Variants in PAX8 observed in about 807,000 individuals in gnomAD.
PAX8 encodes the protein paired box protein Pax-8.
PAX8 carries 15 observed loss-of-function variants against 52.4 expected under a neutral mutation model. That is an observed-to-expected ratio of 0.29 (90% CI 0.19 to 0.44). PAX8 has a LOEUF of 0.44. Among genes scored for constraint, PAX8 ranks in the 20% least tolerant of loss-of-function variants. PAX8 has a pLI of 1.00. For synonymous variants in PAX8, 284 were observed against 249.7 expected (o/e 1.14, Z -1.29); for missense variants, 554 against 602.5 (o/e 0.92, Z 0.84).
chr2:113,235,548 G>A lies in PAX8; in HGVS notation c.933C>T (p.Thr311=), dbSNP rs1690212175. ...TGGAGCTAGAACTGGACACCTCGGG[G>A]GTTTCCTGCTTTATGGCGAAGGGTG... ...PHSPFAIKQE[T]PEVSSSSSTP... is the part of the protein sequence containing the mutation. Residue 311 remains threonine (T), a synonymous_variant, in exon 9 of 12, where the codon ACC becomes ACT. Transcript: ENST00000429538. The A allele has an allele frequency of 1.5e-5, 25 of 1,613,698 alleles. No individual in the cohort carries two copies. The East Asian group carries it at 5.6e-4, about 36-fold the overall frequency.
chr2:113,223,489 A>G (rs1036480074), intron 10 of PAX8, among the ~76,000 whole-genome samples: 1 of 152,156 alleles, frequency 6.6e-6, no homozygotes, highest in Admixed American at 6.5e-5. Flanking sequence ...TAGAAATCAG[A>G]GTAGCCTTTT....
chr2:113,224,652 A>AATG (rs1689446508), intron 10 of PAX8, among the ~76,000 whole-genome samples: 1 of 151,748 alleles, frequency 6.6e-6, no homozygotes, highest in South Asian at 2.1e-4. Context: ...TAGATGGGAA[A>AATG]ATGCATGGAT....
chr2:113,260,281 T>G (rs897589666), intron 2 of PAX8, among the ~76,000 whole-genome samples: 1 of 152,098 alleles, frequency 6.6e-6, no homozygotes, highest in African/African-American at 2.4e-5. Context: ...AGTAGCTCCG[T>G]GGAATATCTG....
intron 2 of PAX8, chr2:113,266,989 G>A (rs560704055): frequency 6.6e-6 from 1 of 152,346 alleles, no homozygotes; most frequent in Admixed American, 6.5e-5. Context: ...GACAAATACA[G>A]TCTATGTGGG....
intron 2 of PAX8, chr2:113,265,415 G>C (rs1244271661): frequency 6.6e-6 from 1 of 152,266 alleles, no homozygotes; most frequent in Non-Finnish European, 1.5e-5. Context: ...AGCTTCTCTT[G>C]TCAACCCCTG....
chr2:113,241,527 A>G, intron 7 of PAX8, 24 bp downstream of exon 7: 7 of 1,585,812 alleles, frequency 4.4e-6, no homozygotes, highest in Non-Finnish European at 4.3e-6. Context: ...CACCCTGTTC[A>G]CCTCCCAGGG....
chr2:113,272,672 C>G lies in PAX8; in HGVS notation c.25+5698G>C, dbSNP rs547292972. ...TACTCCTTCCCCACGAAAGGAATGT[C>G]TAGAACTCCTGCTGAAAGTAGTCAT... On this transcript the variant is annotated intron_variant, in intron 2 of 11. Coordinates refer to ENST00000429538, the MANE Select transcript of PAX8 (RefSeq NM_003466.4). 6 of 152,308 alleles carry G rather than the reference C, an allele frequency of 3.9e-5. No individual in the cohort carries two copies. The East Asian group carries it at 1.2e-3, about 29-fold the overall frequency. 9.4% of individuals were successfully genotyped at this position (152,308 alleles called of 1,614,324 possible). A position where few individuals can be genotyped will look rare whatever the true frequency, so the allele number is the denominator to read the frequency against.
intron 2 of PAX8, among the ~76,000 whole-genome samples, chr2:113,250,082 A>G (rs1352874267): frequency 6.6e-6 from 1 of 152,078 alleles, no homozygotes; most frequent in Non-Finnish European, 1.5e-5. Flanking sequence ...CCTGGCTAAC[A>G]TGGTGAAACC....
chr2:113,257,743 C>T (rs1256053128), intron 2 of PAX8, among the ~76,000 whole-genome samples: 1 of 152,118 alleles, frequency 6.6e-6, no homozygotes, highest in Non-Finnish European at 1.5e-5. Flanking sequence ...CTTTAGTACC[C>T]AGCCCCTCTT....
In PAX8 at chr2:113,242,012, A is replaced by G. The variant is rs772728539; in HGVS notation, c.597T>C (p.Asp199=). 9.3e-6 allele frequency: 15 copies of G among 1,613,498 alleles called. No individual in the cohort carries two copies. The South Asian group carries it at 1.6e-4, about 18-fold the overall frequency. The part of the protein sequence containing the change: ...AQPGSDKRKM[D]DSDQDSCRLS... ...CCCTCCTGTCCCAGCACTCACTGTC[A>G]TCCATTTTCCTCTTGTCGCTGCCAG... Residue 199 remains aspartate, a synonymous_variant, in exon 6 of 12, where the codon GAT becomes GAC. Transcript: ENST00000429538.
At chr2:113,273,464 T>TTG (rs1553419638) in intron 2 of PAX8, 1 of 152,258 alleles carries the variant, frequency 6.6e-6, no homozygotes, top group Non-Finnish European at 1.5e-5. Flanking sequence ...GCTTTACTCT[T>TTG]TGATCTAGAT....
At chr2:113,220,058 C>T in intron 11 of PAX8, 34 bp downstream of exon 11, 1 of 1,542,398 alleles carries the variant, frequency 6.5e-7, no homozygotes, top group Non-Finnish European at 8.9e-7. Flanking sequence ...ATCCATCCTG[C>T]CCAGCAGAGG....
At chr2:113,273,513 G>A (rs1392122100) in intron 2 of PAX8, 1 of 152,208 alleles carries the variant, frequency 6.6e-6, no homozygotes, top group African/African-American at 2.4e-5. Context: ...TCTGTGTACA[G>A]GTGTAACTTG....
chr2:113,232,865 G>A (rs758012750), intron 9 of PAX8, among the ~76,000 whole-genome samples: 12 of 151,906 alleles, frequency 7.9e-5, no homozygotes, highest in Non-Finnish European at 1.6e-4. Flanking sequence ...AAGCTTCTCC[G>A]CGGCTTCCAC....
chr2:113,228,172 T>C (rs1689694567), intron 9 of PAX8, among the ~76,000 whole-genome samples: 1 of 152,110 alleles, frequency 6.6e-6, no homozygotes, highest in Admixed American at 6.5e-5. Flanking sequence ...CATATAACAA[T>C]GAACATAAAC....
chr2:113,223,781 T>G (rs1432277563), intron 10 of PAX8, among the ~76,000 whole-genome samples: 1 of 152,246 alleles, frequency 6.6e-6, no homozygotes, highest in Non-Finnish European at 1.5e-5. Flanking sequence ...CCATTTGTCT[T>G]CACCATTAGG....
At chr2:113,251,484 G>A (rs183572200) in intron 2 of PAX8, among the ~76,000 whole-genome samples, 12 of 152,196 alleles carry the variant, frequency 7.9e-5, no homozygotes, top group African/African-American at 2.6e-4. Context: ...TATGGGGGAG[G>A]AAGACAAGAC....
chr2:113,224,618 G>A (rs970583664), intron 10 of PAX8, among the ~76,000 whole-genome samples: 2 of 151,350 alleles, frequency 1.3e-5, no homozygotes, highest in African/African-American at 4.9e-5. Flanking sequence ...AGGATGACGG[G>A]ATGGATGATG....
intron 2 of PAX8, chr2:113,274,409 C>G (rs1194160328): frequency 6.6e-6 from 1 of 152,120 alleles, no homozygotes; most frequent in Middle Eastern, 3.2e-3. Flanking sequence ...ATTTTGAAAG[C>G]AGGATTTCAA....
Sources: allele counts gnomAD v4.1 joint callset (sites outside exome capture counted in the v4.1 genomes callset), GRCh38; gene constraint gnomAD v4.1.1; transcripts MANE v1.5; gene names NCBI Gene and HGNC (gene_info 2026-07-23, HGNC 2026-07-21).